LPP: variants seen among roughly 807,000 people sequenced by gnomAD.
LPP encodes the protein lipoma-preferred partner.
A neutral mutation model predicts 60.4 loss-of-function variants in LPP; 38 were observed. The ratio of observed to expected loss-of-function variants is 0.63; its 90% CI spans 0.49 to 0.83. LPP has a LOEUF of 0.83. Ranked by LOEUF, LPP falls within the 40% of genes least tolerant of loss-of-function variation. The probability of loss-of-function intolerance (pLI) is 0.00; values close to 1 mark genes in which losing one functional copy is unlikely to be tolerated. For missense variants in LPP, 902 were observed against 783.6 expected, an observed-to-expected ratio of 1.15 and a Z score of -1.80; for synonymous variants, 328 against 290.8, an observed-to-expected ratio of 1.13 and a Z score of -1.30.
intron 4 of LPP, among the ~76,000 whole-genome samples, chr3:188,424,813 G>GA (rs1433359991): frequency 6.6e-6 from 1 of 152,202 alleles, no homozygotes; most frequent in African/African-American, 2.4e-5. Flanking sequence ...AGACTTTGCT[G>GA]AAGTTGCTTA....
At chr3:188,774,818 G>T (rs149940563) in intron 9 of LPP, among the ~76,000 whole-genome samples, 42 of 152,054 alleles carry the variant, frequency 2.8e-4, no homozygotes, top group African/African-American at 9.9e-4. Flanking sequence ...CCATCATGAG[G>T]GCTCCATCCT....
intron 6 of LPP, among the ~76,000 whole-genome samples, chr3:188,602,655 C>T (rs1841601497): frequency 6.6e-6 from 1 of 150,990 alleles, no homozygotes; most frequent in African/African-American, 2.4e-5. Context: ...GTACCTCGAC[C>T]CCAGTGAAGC....
intron 2 of LPP, among the ~76,000 whole-genome samples, chr3:188,286,065 G>A (rs758811491): frequency 2.0e-5 from 3 of 152,150 alleles, no homozygotes; most frequent in South Asian, 2.1e-4. Context: ...GCTTATAGAG[G>A]GAAGTGACTT....
At chr3:188,842,580 A>G (rs754548913) in intron 9 of LPP, among the ~76,000 whole-genome samples, 17 of 152,196 alleles carry the variant, frequency 1.1e-4, no homozygotes, top group South Asian at 2.1e-4. Context: ...TACTCAAGAA[A>G]TCTTTGCCCA....
chr3:188,738,148 C>T lies in LPP; in HGVS notation c.1241-21965C>T, dbSNP rs1412191964. On this transcript the variant is annotated intron_variant, in intron 8 of 11. Coordinates refer to ENST00000617246, the MANE Select transcript of LPP (RefSeq NM_001375462.1). ...GTCTTCTTAGTCCACCATCCCCTGA[C>T]CTGTCATTATTGAAAAACAAAATTC... Among the ~76,000 whole-genome samples, 8 of 152,110 alleles carry T rather than the reference C, an allele frequency of 5.3e-5. No individual in the cohort carries two copies. The East Asian group carries it at 1.3e-3, about 26-fold the overall frequency.
At chr3:188,500,663 T>C (rs1011528036) in intron 5 of LPP, among the ~76,000 whole-genome samples, 1 of 152,118 alleles carries the variant, frequency 6.6e-6, no homozygotes, top group African/African-American at 2.4e-5. Context: ...TGGTAGAATT[T>C]ACTAGTGAAG....
At chr3:188,364,136 A>T (rs534547949) in intron 3 of LPP, among the ~76,000 whole-genome samples, 10 of 152,272 alleles carry the variant, frequency 6.6e-5, no homozygotes, top group African/African-American at 2.2e-4. Flanking sequence ...TACTTTGGGG[A>T]TTCAGAGTTA....
chr3:188,337,781 C>A (rs553975654), intron 2 of LPP, among the ~76,000 whole-genome samples: 1 of 152,152 alleles, frequency 6.6e-6, no homozygotes, highest in Non-Finnish European at 1.5e-5. Flanking sequence ...ACTACAGGCA[C>A]GAACCATCGT....
intron 6 of LPP, among the ~76,000 whole-genome samples, chr3:188,558,711 A>T (rs189788148): frequency 4.6e-5 from 7 of 152,238 alleles, no homozygotes; most frequent in Admixed American, 1.3e-4. Context: ...ACCATGACTG[A>T]CAGACCACAG....
At chr3:188,862,067 A>G (rs930627601) in intron 9 of LPP, among the ~76,000 whole-genome samples, 1 of 152,218 alleles carries the variant, frequency 6.6e-6, no homozygotes, top group Non-Finnish European at 1.5e-5. Context: ...TGAACTTTGT[A>G]GTCCCTGGGC....
intron 5 of LPP, among the ~76,000 whole-genome samples, chr3:188,499,640 T>G (rs909689942): frequency 6.6e-6 from 1 of 152,172 alleles, no homozygotes; most frequent in African/African-American, 2.4e-5. Context: ...TTCTACTTTT[T>G]AAAAAATGTC....
At chr3:188,593,886 ATTGTGC>A in intron 6 of LPP, among the ~76,000 whole-genome samples, 1 of 152,308 alleles carries the variant, frequency 6.6e-6, no homozygotes, top group Non-Finnish European at 1.5e-5. Context: ...GCTACTGTGA[ATTGTGC>A]TGCTATAAAC....
intron 8 of LPP, among the ~76,000 whole-genome samples, chr3:188,726,489 T>C (rs1192650231): frequency 3.9e-5 from 6 of 152,186 alleles, no homozygotes; most frequent in African/African-American, 1.4e-4. Context: ...GAAAAGCTTC[T>C]TTTATGGGGC....
chr3:188,583,769 A>C (rs975660553), intron 6 of LPP, among the ~76,000 whole-genome samples: 1 of 152,196 alleles, frequency 6.6e-6, no homozygotes, highest in African/African-American at 2.4e-5. Context: ...ACATACAACA[A>C]AGTGATCCCA....
intron 4 of LPP, among the ~76,000 whole-genome samples, chr3:188,478,877 C>T (rs1358807533): frequency 6.6e-6 from 1 of 152,090 alleles, no homozygotes; most frequent in Non-Finnish European, 1.5e-5. Flanking sequence ...CCTCAGCATC[C>T]TGAGTAGCTG....
intron 2 of LPP, among the ~76,000 whole-genome samples, chr3:188,287,473 TC>T (rs1389556661): frequency 6.6e-6 from 1 of 152,170 alleles, no homozygotes; most frequent in Non-Finnish European, 1.5e-5. Context: ...TTCTGACACT[TC>T]ACTCTTCCCT....
chr3:188,354,836 G>GAC (rs59234691), intron 3 of LPP, among the ~76,000 whole-genome samples: 21 of 151,544 alleles, frequency 1.4e-4, no homozygotes, highest in Non-Finnish European at 2.7e-4. Context: ...CACACACACA[G>GAC]ACACACACAC....
chr3:188,881,990 T>C lies in LPP; in HGVS notation c.*7511T>C. The C allele has an allele frequency of 4.7e-6, 1 of 214,388 alleles. No homozygotes were observed. Among genetic ancestry groups the C allele is most frequent in the Non-Finnish European group, 9.4e-6 (1 of 106,186 alleles). 13.3% of individuals were successfully genotyped at this position (214,388 alleles called of 1,614,324 possible). On this transcript the variant is annotated 3_prime_UTR_variant, in exon 12 of 12. Transcript: ENST00000617246. Reference sequence around the variant, plus strand: ...TCATTTAGGAGTCCATATTTTTCTTTTCTTTTTGTTCTCCCAACATCCTTA... The same window carrying C: ...TCATTTAGGAGTCCATATTTTTCTTCTCTTTTTGTTCTCCCAACATCCTTA...
intron 5 of LPP, among the ~76,000 whole-genome samples, chr3:188,488,934 G>T (rs942046913): frequency 2.0e-5 from 3 of 152,132 alleles, no homozygotes; most frequent in African/African-American, 7.2e-5. Flanking sequence ...ACCGCGCCCG[G>T]CCAGTTAGTT....
Sources: gnomAD v4.1 joint callset for allele counts (sites outside exome capture counted in the v4.1 genomes callset) on GRCh38, gnomAD v4.1.1 for gene constraint, MANE v1.5 for transcripts, NCBI Gene and HGNC (gene_info 2026-07-23, HGNC 2026-07-21) for gene names.